The following PRPF4 variants were observed in gnomAD, a reference collection of about 807,000 sequenced individuals.
PRPF4 encodes the protein U4/U6 small nuclear ribonucleoprotein Prp4.
PRPF4 carries 14 observed loss-of-function variants against 72.2 expected under a neutral mutation model. The observed-to-expected ratio is 0.19, with a 90% CI of 0.13 to 0.30. The LOEUF (loss-of-function observed/expected upper bound fraction) is 0.30. Ranked by LOEUF, PRPF4 falls within the 10% of genes least tolerant of loss-of-function variation. The probability of loss-of-function intolerance (pLI) is 1.00; values close to 1 mark genes in which losing one functional copy is unlikely to be tolerated. For missense variants in PRPF4, 478 were observed against 653.9 expected (o/e 0.73, Z 2.93); for synonymous variants, 225 against 232.2 (o/e 0.97, Z 0.28).
intron 3 of PRPF4, 145 bp from the exon 4 acceptor site, chr9:113,282,501 T>A (rs1281204550): frequency 5.1e-6 from 3 of 590,780 alleles, no homozygotes; most frequent in Non-Finnish European, 8.6e-6. Context: ...TGCTAGGTGG[T>A]TTGAACAGTG....
chr9:113,283,274 T>C, intron 5 of PRPF4, 63 bp downstream of exon 5: 1 of 1,613,940 alleles, frequency 6.2e-7, no homozygotes, highest in Non-Finnish European at 8.5e-7. Flanking sequence ...TCTCAGGAAC[T>C]GAGTGCTGGA....
At chr9:113,282,758 G>A in intron 4 of PRPF4, 25 bp downstream of exon 4, 2 of 1,520,716 alleles carry the variant, frequency 1.3e-6, no homozygotes, top group Non-Finnish European at 1.8e-6. Flanking sequence ...TAACTTCACA[G>A]TATAAACATG....
chr9:113,284,202 C>A, intron 6 of PRPF4, 93 bp from the exon 7 acceptor site: 2 of 956,584 alleles, frequency 2.1e-6, no homozygotes, highest in Non-Finnish European at 3.2e-6. Flanking sequence ...AACTGAAAAG[C>A]TGCTTTGTTG....
intron 2 of PRPF4, among the ~76,000 whole-genome samples, chr9:113,277,600 G>C (rs1383776864): frequency 1.3e-5 from 2 of 152,048 alleles, no homozygotes; most frequent in African/African-American, 4.8e-5. Context: ...TGCCCAGGCT[G>C]GTCTCCAACT....
chr9:113,291,026 C>G lies in PRPF4; in HGVS notation c.1372+10C>G. On this transcript the variant is annotated intron_variant, in intron 13 of 13. Coordinates refer to ENST00000374198, the MANE Select transcript of PRPF4 (RefSeq NM_001244926.2). ...GGTGTCAAGTTTGAGCGTAAGCTTT[C>G]CTCCTATTTTACGTCTAAATGACAC... 1 of 1,604,388 alleles carries G rather than the reference C, an allele frequency of 6.2e-7. No homozygotes were observed. The highest frequency in any genetic ancestry group is 8.5e-7 in the Non-Finnish European group (1 of 1,171,132).
At chr9:113,288,058 G>A (rs1459265777) in intron 9 of PRPF4, 117 bp from the exon 10 acceptor site, 6 of 869,086 alleles carry the variant, frequency 6.9e-6, no homozygotes, top group Non-Finnish European at 1.1e-5. Context: ...GTTTACAAGT[G>A]TAGTTACAAT....
chr9:113,276,562 A>T lies in PRPF4; in HGVS notation c.42A>T (p.Lys14Asn). The change falls in exon 2 of 14, where the codon AAA (lysine) becomes AAT (asparagine). Residue 14 changes from lysine (K) to asparagine (N), a missense_variant. Transcript: ENST00000374198. ...TGATTTAGCAGGCAACCAAAACTAAAGCACCCGACGACTTAGTTGCTCCGG... is the reference window on the plus strand; with the variant it reads ...TGATTTAGCAGGCAACCAAAACTAATGCACCCGACGACTTAGTTGCTCCGG... Reference protein sequence around the residue: ...SRASSTATKTKAPDDLVAPVV... With the variant: ...SRASSTATKTNAPDDLVAPVV... The T allele has an allele frequency of 6.2e-7, 1 of 1,614,204 alleles. No individual in the cohort carries two copies. The highest frequency in any genetic ancestry group is 1.7e-5 in the Admixed American group (1 of 60,024).
Position 113,286,308 on chromosome 9 carries a change from C to T in PRPF4, c.808+18C>T. 1 of 1,596,008 alleles carries T rather than the reference C, an allele frequency of 6.3e-7. No individual in the cohort carries two copies. The highest frequency in any genetic ancestry group is 8.6e-7 in the Non-Finnish European group (1 of 1,163,520). On this transcript the variant is annotated intron_variant, in intron 8 of 13. Coordinates refer to ENST00000374198, the MANE Select transcript of PRPF4 (RefSeq NM_001244926.2). The stretch of plus-strand genomic sequence containing the variant: ...TCTTCGAGGTAAGTTAGAGTCTTAT[C>T]CAAATCTCGGTCTTTTTCCCAGTGT...
In PRPF4 at chr9:113,286,362, G is replaced by T; in HGVS notation, c.808+72G>T. On this transcript the variant is annotated intron_variant, in intron 8 of 13. Coordinates refer to ENST00000374198, the MANE Select transcript of PRPF4 (RefSeq NM_001244926.2). ...CTCAGTTAAGCCTTAAACTCTGCTT[G>T]ACACTCAGACCCCATACACACAGCA... is the stretch of plus-strand genomic sequence containing the variant. 3 of 1,347,410 alleles carry T rather than the reference G, an allele frequency of 2.2e-6. No individual in the cohort carries two copies. In the South Asian group the frequency reaches 3.5e-5, roughly 16 times the overall value. 83.5% of individuals were successfully genotyped at this position (1,347,410 alleles called of 1,614,324 possible).
chr9:113,289,969 C>T (rs1219353542), intron 10 of PRPF4, among the ~76,000 whole-genome samples: 2 of 152,154 alleles, frequency 1.3e-5, no homozygotes, highest in Non-Finnish European at 2.9e-5. Context: ...CCTATAATCC[C>T]AGCACTTTGG....
At chr9:113,281,998 T>C (rs1298333687) in intron 3 of PRPF4, among the ~76,000 whole-genome samples, 2 of 152,194 alleles carry the variant, frequency 1.3e-5, no homozygotes, top group African/African-American at 4.8e-5. Context: ...TCCAGTACAT[T>C]GTGGCACTGA....
chr9:113,290,840 AG>A (rs1564259870), intron 12 of PRPF4, 33 bp downstream of exon 12: 27 of 1,611,240 alleles, frequency 1.7e-5, no homozygotes, highest in Non-Finnish European at 2.1e-5. Flanking sequence ...GGGGCGAAAA[AG>A]GGTTCTGGGT....
At chr9:113,286,438 T>A in intron 8 of PRPF4, 148 bp downstream of exon 8, 1 of 886,298 alleles carries the variant, frequency 1.1e-6, no homozygotes, top group Non-Finnish European at 1.8e-6. Context: ...AAGACTGGAC[T>A]ATCACAACTT....
chr9:113,287,154 C>A (rs1392475312), intron 9 of PRPF4, among the ~76,000 whole-genome samples: 3 of 152,100 alleles, frequency 2.0e-5, no homozygotes, highest in Non-Finnish European at 4.4e-5. Flanking sequence ...ATTCTTAGGC[C>A]TTTTCTTACT....
intron 3 of PRPF4, among the ~76,000 whole-genome samples, chr9:113,280,262 T>G (rs1218702713): frequency 1.3e-5 from 2 of 152,170 alleles, no homozygotes; most frequent in African/African-American, 4.8e-5. Flanking sequence ...TTCTTCTCAC[T>G]TACCTTCTAA....
intron 2 of PRPF4, among the ~76,000 whole-genome samples, chr9:113,277,686 G>A (rs1176395208): frequency 6.6e-6 from 1 of 151,828 alleles, no homozygotes; most frequent in Non-Finnish European, 1.5e-5. Flanking sequence ...GCACCTGACT[G>A]AGCTATCTTT....
Position 113,290,535 on chromosome 9 carries a change from C to T in PRPF4, c.1092C>T (p.Ser364=). ...AGATCCTGCATCAGGAAGGCCATAG[C>T]ATGGGTGTGTATGACATTGCCTTCC... is the stretch of plus-strand genomic sequence containing the variant. ...QEEILHQEGH[S]MGVYDIAFHQ... is the part of the protein sequence containing the mutation. The change falls in exon 11 of 14, where the codon AGC becomes AGT. Residue 364 remains serine, a synonymous_variant. Transcript: ENST00000374198. 1.2e-6 allele frequency: 2 copies of T among 1,614,160 alleles called. No individual in the cohort carries two copies. The highest frequency in any genetic ancestry group is 8.5e-7 in the Non-Finnish European group (1 of 1,180,032).
At position 113,285,504 on chromosome 9, in the gene PRPF4, A is replaced by C. The variant is rs1048892586; in HGVS notation, c.750-728A>C. ...CGCCATTCTCCTACCTCAGCCTCCC[A>C]AGTAGCTGGGACTACAGGCACCCGC... On this transcript the variant is annotated intron_variant, in intron 7 of 13. Coordinates refer to ENST00000374198, the MANE Select transcript of PRPF4 (RefSeq NM_001244926.2). Among the ~76,000 whole-genome samples, 3 of 149,478 alleles carry C rather than the reference A, an allele frequency of 2.0e-5. No individual in the cohort carries two copies. In the South Asian group the frequency reaches 6.4e-4, roughly 32 times the overall value.
chr9:113,291,812 C>T lies in PRPF4; in HGVS notation c.*152C>T. 2 of 797,774 alleles carry T rather than the reference C, an allele frequency of 2.5e-6. No individual in the cohort carries two copies. Among genetic ancestry groups the T allele is most frequent in the Non-Finnish European group, 1.9e-6 (1 of 523,798 alleles). The allele number at this position is 797,774 out of a possible 1,614,324, so 49.4% of individuals were successfully genotyped here. A position where few individuals can be genotyped will look rare whatever the true frequency, so the allele number is the denominator to read the frequency against. On this transcript the variant is annotated 3_prime_UTR_variant, in exon 14 of 14. Transcript: ENST00000374198. Reference sequence around the variant, plus strand: ...AATTGGATTTCCATGTCAGCCCCCACTCCAGGAAGGCAGCCCAATCCCTAG... The same window carrying T: ...AATTGGATTTCCATGTCAGCCCCCATTCCAGGAAGGCAGCCCAATCCCTAG...
Sources: gnomAD v4.1 joint callset for allele counts (sites outside exome capture counted in the v4.1 genomes callset) on GRCh38, gnomAD v4.1.1 for gene constraint, MANE v1.5 for transcripts, NCBI Gene and HGNC (gene_info 2026-07-23, HGNC 2026-07-21) for gene names.